FNDC3B: variants seen among roughly 807,000 people sequenced by gnomAD.
FNDC3B encodes fibronectin type III domain containing 3B, also known as fibronectin type III domain-containing protein 3B.
In FNDC3B, 12 loss-of-function variants were observed where a neutral mutation model predicts 151.5. That is an observed-to-expected ratio of 0.08 (90% CI 0.05 to 0.13). The LOEUF (loss-of-function observed/expected upper bound fraction) is 0.13, where lower values mean the gene tolerates loss of function less well. Among genes scored for constraint, FNDC3B ranks in the 10% least tolerant of loss-of-function variants. The probability of loss-of-function intolerance (pLI) is 1.00; values close to 1 mark genes in which losing one functional copy is unlikely to be tolerated. For synonymous variants in FNDC3B, 528 were observed against 549.0 expected (o/e 0.96, Z 0.54); for missense variants, 1,214 against 1,505.3 (o/e 0.81, Z 3.20).
intron 1 of FNDC3B, among the ~76,000 whole-genome samples, chr3:172,083,738 T>C (rs9852138): frequency 1.6e-3 from 250 of 152,292 alleles, no homozygotes; most frequent in African/African-American, 5.7e-3. Flanking sequence ...ATTTCTTCTG[T>C]ATATTGACGT....
intron 25 of FNDC3B, among the ~76,000 whole-genome samples, chr3:172,382,489 A>G (rs1026787020): frequency 6.6e-6 from 1 of 152,130 alleles, no homozygotes; most frequent in Non-Finnish European, 1.5e-5. Context: ...CCATTTGTCA[A>G]TTTTGGCTTT....
At chr3:172,327,244 T>C (rs1041659550) in intron 11 of FNDC3B, among the ~76,000 whole-genome samples, 3 of 152,126 alleles carry the variant, frequency 2.0e-5, no homozygotes, top group Non-Finnish European at 4.4e-5. Flanking sequence ...CCAAGTTGCA[T>C]CTGAATGCAC....
chr3:172,196,593 G>C (rs1724845314), intron 3 of FNDC3B, among the ~76,000 whole-genome samples: 1 of 152,052 alleles, frequency 6.6e-6, no homozygotes. Context: ...CTGTAAAATG[G>C]AGGTGGGAAT....
chr3:172,088,717 A>C (rs975756892), intron 1 of FNDC3B, among the ~76,000 whole-genome samples: 1 of 152,216 alleles, frequency 6.6e-6, no homozygotes, highest in African/African-American at 2.4e-5. Context: ...CTTATAAATA[A>C]AAAGATAAAT....
chr3:172,304,328 G>A lies in FNDC3B; in HGVS notation c.1062-3035G>A, dbSNP rs567668603. Among the ~76,000 whole-genome samples, 13 of 152,298 alleles carry A rather than the reference G, an allele frequency of 8.5e-5. No individual in the cohort carries two copies. In the East Asian group the frequency reaches 2.1e-3, roughly 25 times the overall value. ...TCTATTATCCAGATGGATTTTTGGC[G>A]GTGGCTGTTTTTGGGAACATATAGG... On this transcript the variant is annotated intron_variant, in intron 9 of 25. Coordinates refer to ENST00000415807, the MANE Select transcript of FNDC3B (RefSeq NM_022763.4).
chr3:172,181,104 C>CATTTGACATTT (rs75568561), intron 3 of FNDC3B, among the ~76,000 whole-genome samples: 4 of 151,942 alleles, frequency 2.6e-5, no homozygotes, highest in African/African-American at 7.3e-5. Context: ...TAGATATATT[C>CATTTGACATTT]TAAGATGACA....
At chr3:172,230,337 A>T (rs1726824239) in intron 4 of FNDC3B, among the ~76,000 whole-genome samples, 1 of 121,076 alleles carries the variant, frequency 8.3e-6, no homozygotes, top group African/African-American at 2.8e-5. Context: ...TACTAAAAAT[A>T]CAAAAAAAAA....
intron 23 of FNDC3B, among the ~76,000 whole-genome samples, chr3:172,365,954 G>T (rs1341826195): frequency 6.6e-6 from 1 of 152,126 alleles, no homozygotes; most frequent in Non-Finnish European, 1.5e-5. Context: ...ACTAGAAGAC[G>T]ATCTCTGATA....
intron 22 of FNDC3B, among the ~76,000 whole-genome samples, chr3:172,353,515 A>G (rs1306637658): frequency 6.6e-6 from 1 of 152,216 alleles, no homozygotes; most frequent in Non-Finnish European, 1.5e-5. Flanking sequence ...TTTATTAAAC[A>G]ACCTATAGTT....
intron 4 of FNDC3B, among the ~76,000 whole-genome samples, chr3:172,246,409 C>T (rs1321371000): frequency 3.3e-5 from 5 of 152,210 alleles, no homozygotes; most frequent in Non-Finnish European, 4.4e-5. Flanking sequence ...TCCCATCTCA[C>T]GTTATCATTC....
chr3:172,330,986 TTTAGAAA>T (rs1241787416), intron 13 of FNDC3B, among the ~76,000 whole-genome samples: 5 of 111,684 alleles, frequency 4.5e-5, no homozygotes, highest in South Asian at 3.2e-4. Flanking sequence ...TTAGAAATTA[TTTAGAAA>T]TTAACCATTT....
chr3:172,229,054 A>G (rs988508061), intron 4 of FNDC3B, among the ~76,000 whole-genome samples: 1 of 150,758 alleles, frequency 6.6e-6, no homozygotes, highest in Admixed American at 6.6e-5. Flanking sequence ...AGCAAGATAC[A>G]TTGTTGTCAT....
chr3:172,344,311 C>T, intron 19 of FNDC3B, 53 bp downstream of exon 19: 1 of 1,517,824 alleles, frequency 6.6e-7, no homozygotes, highest in Non-Finnish European at 8.9e-7. Context: ...AATCAGAACC[C>T]AAAGTGCTAG....
intron 2 of FNDC3B, among the ~76,000 whole-genome samples, chr3:172,131,988 C>A (rs927064196): frequency 6.6e-6 from 1 of 151,824 alleles, no homozygotes; most frequent in Non-Finnish European, 1.5e-5. Flanking sequence ...CCTTATCATG[C>A]CTAGATTAAA....
At chr3:172,045,086 GC>G (rs754878601) in intron 1 of FNDC3B, among the ~76,000 whole-genome samples, 51 of 152,188 alleles carry the variant, frequency 3.4e-4, no homozygotes, top group Non-Finnish European at 7.3e-5. Flanking sequence ...GTTTGGCAAA[GC>G]CTTATACAAA....
At chr3:172,340,197 G>A (rs571032419) in intron 16 of FNDC3B, among the ~76,000 whole-genome samples, 11 of 152,096 alleles carry the variant, frequency 7.2e-5, no homozygotes, top group Admixed American at 6.5e-4. Flanking sequence ...CCTGGTGACC[G>A]TTTCTCTCTT....
intron 6 of FNDC3B, among the ~76,000 whole-genome samples, chr3:172,255,700 AC>A (rs1334209731): frequency 4.6e-5 from 7 of 152,100 alleles, no homozygotes; most frequent in African/African-American, 1.4e-4. Flanking sequence ...CTGTGCCTGG[AC>A]ACTTCCAGGC....
intron 1 of FNDC3B, among the ~76,000 whole-genome samples, chr3:172,075,555 C>T (rs1322992977): frequency 1.3e-5 from 2 of 151,904 alleles, no homozygotes; most frequent in African/African-American, 4.8e-5. Context: ...GGATATTGAC[C>T]CTTCAACTTT....
chr3:172,370,080 G>A (rs912052547), intron 23 of FNDC3B, among the ~76,000 whole-genome samples: 25 of 152,152 alleles, frequency 1.6e-4, no homozygotes, highest in African/African-American at 5.8e-4. Flanking sequence ...GTTATTTTAG[G>A]TCAGCAGGTT....
Sources: allele counts gnomAD v4.1 joint callset (sites outside exome capture counted in the v4.1 genomes callset), GRCh38; gene constraint gnomAD v4.1.1; transcripts MANE v1.5; gene names NCBI Gene and HGNC (gene_info 2026-07-23, HGNC 2026-07-21).